The following OPHN1 variants were observed in gnomAD, a reference collection of about 807,000 sequenced individuals.
The protein encoded by OPHN1 is oligophrenin-1.
A neutral mutation model predicts 60.7 loss-of-function variants in OPHN1; 11 were observed. The observed-to-expected ratio is 0.18, with a 90% confidence interval of 0.11 to 0.30. The LOEUF is 0.30. Ranked by LOEUF, OPHN1 falls within the 10% of genes least tolerant of loss-of-function variation. The pLI is 1.00. For synonymous variants in OPHN1, 226 were observed against 222.6 expected, an observed-to-expected ratio of 1.02 and a Z score of -0.14; for missense variants, 449 against 611.0, an observed-to-expected ratio of 0.73 and a Z score of 2.80.
At chrX:68,156,937 G>A (rs1828256833) in intron 15 of OPHN1, among the ~76,000 whole-genome samples, 2 of 111,211 alleles carry the variant, frequency 1.8e-5, no homozygotes, top group Admixed American at 1.9e-4. Context: ...GATGCTTACA[G>A]TGCACATAGT....
At chrX:68,351,947 G>T (rs986654657) in intron 2 of OPHN1, among the ~76,000 whole-genome samples, 2 of 100,120 alleles carry the variant, frequency 2.0e-5, no homozygotes, top group Non-Finnish European at 4.0e-5. Context: ...CGCGATCTCG[G>T]CTCACTGCAA....
intron 3 of OPHN1, among the ~76,000 whole-genome samples, chrX:68,295,143 C>T (rs1314852938): frequency 2.7e-5 from 3 of 111,912 alleles, no homozygotes; most frequent in African/African-American, 9.7e-5. Flanking sequence ...ACAGGATAAA[C>T]GAGATCCTCA....
rs184565133 is a variant in OPHN1, at chrX:68,200,461, A to G, written c.1025+1158T>C. ...TGCTTGAGTTGGGGATATTATTTGCAAAAAAGGGAAGCCACAGCCAACAAT... is the reference window on the plus strand; with the variant it reads ...TGCTTGAGTTGGGGATATTATTTGCGAAAAAGGGAAGCCACAGCCAACAAT... On this transcript the variant is annotated intron_variant, in intron 11 of 24. Coordinates refer to ENST00000355520, the MANE Select transcript of OPHN1 (RefSeq NM_002547.3). Among the ~76,000 whole-genome samples, 411 of 111,500 alleles carry G rather than the reference A, an allele frequency of 3.7e-3. 5 individuals carry two copies. The highest frequency in any genetic ancestry group is 0.013 in the African/African-American group (395 of 30,685).
chrX:68,229,209 T>A (rs1325948091), intron 6 of OPHN1, among the ~76,000 whole-genome samples: 6 of 111,448 alleles, frequency 5.4e-5, no homozygotes, highest in Non-Finnish European at 9.4e-5. Context: ...TTACAAGGGA[T>A]GTGAAGGACC....
chrX:68,403,559 G>T (rs767870660), intron 2 of OPHN1, among the ~76,000 whole-genome samples: 114 of 111,332 alleles, frequency 1.0e-3, no homozygotes, highest in African/African-American at 2.9e-3. Context: ...AATGATAGCT[G>T]CTTTCAATTT....
intron 2 of OPHN1, among the ~76,000 whole-genome samples, chrX:68,389,048 G>A (rs964618156): frequency 1.1e-4 from 12 of 106,444 alleles, no homozygotes; most frequent in Non-Finnish European, 2.1e-4. Flanking sequence ...TTGACCTCCC[G>A]AGCTCAAGCA....
chrX:68,076,841 T>G (rs1215502056), intron 19 of OPHN1, among the ~76,000 whole-genome samples: 1 of 111,837 alleles, frequency 8.9e-6, no homozygotes, highest in Non-Finnish European at 1.9e-5. Flanking sequence ...AACTATTGAC[T>G]CACTATAACA....
chrX:68,362,212 G>T (rs1470425426), intron 2 of OPHN1, among the ~76,000 whole-genome samples: 1 of 111,917 alleles, frequency 8.9e-6, no homozygotes, highest in Non-Finnish European at 1.9e-5. Context: ...TGGAAATCCT[G>T]ACATTTGCAA....
intron 15 of OPHN1, among the ~76,000 whole-genome samples, chrX:68,126,705 A>G (rs2077173339): frequency 8.9e-6 from 1 of 112,007 alleles, no homozygotes; most frequent in Admixed American, 9.4e-5. Context: ...TTGGCCTCCC[A>G]AAGTGCTGGG....
At chrX:68,391,561 T>C (rs1441641089) in intron 2 of OPHN1, among the ~76,000 whole-genome samples, 1 of 111,222 alleles carries the variant, frequency 9.0e-6, no homozygotes, top group East Asian at 2.8e-4. Context: ...GTAGGCTGAA[T>C]AATGATCCCT....
Position 68,175,365 on chromosome X carries a change from G to A in OPHN1, c.1276+17554C>T. On this transcript the variant is annotated intron_variant, in intron 15 of 24. Coordinates refer to ENST00000355520, the MANE Select transcript of OPHN1 (RefSeq NM_002547.3). The stretch of plus-strand genomic sequence containing the variant: ...ATTGGTTATATTTATAATATGTGTG[G>A]TGGGAAAAATAAATTGTAGAGTTGC... Among the ~76,000 whole-genome samples the A allele has an allele frequency of 3.6e-5, 4 of 111,183 alleles. 1 individual carries two copies. The Middle Eastern group carries it at 0.014, about 383-fold the overall frequency.
chrX:68,263,531 A>C (rs2077905339), intron 5 of OPHN1, among the ~76,000 whole-genome samples: 1 of 112,380 alleles, frequency 8.9e-6, no homozygotes, highest in African/African-American at 3.2e-5. Context: ...TTTTTAGCAC[A>C]TATAATTGAT....
chrX:68,240,392 T>A (rs1298135477), intron 5 of OPHN1, among the ~76,000 whole-genome samples: 1 of 111,672 alleles, frequency 9.0e-6, no homozygotes, highest in African/African-American at 3.3e-5. Flanking sequence ...GACCACTTTT[T>A]CTGAGGGAGT....
chrX:68,238,455 A>G (rs2077763633), intron 5 of OPHN1, among the ~76,000 whole-genome samples: 1 of 110,022 alleles, frequency 9.1e-6, no homozygotes, highest in African/African-American at 3.3e-5. Context: ...ATTAAGCTAA[A>G]AACCCAACTA....
At chrX:68,289,216 CA>C (rs1165902667) in intron 3 of OPHN1, among the ~76,000 whole-genome samples, 1 of 111,286 alleles carries the variant, frequency 9.0e-6, no homozygotes. Flanking sequence ...AAACTTACTG[CA>C]AAATTCCTCA....
chrX:68,065,306 C>A (rs1257165422), intron 20 of OPHN1, among the ~76,000 whole-genome samples: 2 of 110,661 alleles, frequency 1.8e-5, no homozygotes, highest in East Asian at 5.7e-4. Flanking sequence ...CTTAAGGAAT[C>A]ACTGTTTTGT....
At position 68,053,792 on chromosome X, in the gene OPHN1, C is replaced by T. The variant is rs746837001; in HGVS notation, c.2177G>A (p.Ser726Asn). 1.7e-6 allele frequency: 2 copies of T among 1,207,468 alleles called. No homozygotes were observed. Among genetic ancestry groups the T allele is most frequent in the East Asian group, 3.0e-5 (1 of 33,720 alleles). Residue 726 changes from serine to asparagine, a missense_variant, in exon 22 of 25, where the codon AGC (serine) becomes AAC (asparagine). Physicochemically the swap from Ser to Asn is conservative, Grantham distance 46 (BLOSUM62 1). Transcript: ENST00000355520. ...HHKEGDADSFSKVRPPGEKPT... is the reference protein window; with the variant it reads ...HHKEGDADSFNKVRPPGEKPT... ...CTTTTCTCCTGGAGGCCGCACTTTG[C>T]TGAAACTGTCAGCATCCCCTGGAAG... is the stretch of plus-strand genomic sequence containing the variant.
chrX:68,183,663 TA>T (rs1272687948), intron 15 of OPHN1, among the ~76,000 whole-genome samples: 1 of 100,796 alleles, frequency 9.9e-6, no homozygotes, highest in Admixed American at 1.0e-4. Flanking sequence ...GTCACATCTT[TA>T]AAAAAAATAC....
chrX:68,358,875 T>C (rs1220051501), intron 2 of OPHN1, among the ~76,000 whole-genome samples: 1 of 111,769 alleles, frequency 8.9e-6, no homozygotes, highest in Non-Finnish European at 1.9e-5. Context: ...ATCACACGAC[T>C]GTTAAGCAGT....
Sources: allele counts gnomAD v4.1 joint callset (sites outside exome capture counted in the v4.1 genomes callset), GRCh38; gene constraint gnomAD v4.1.1; transcripts MANE v1.5; gene names NCBI Gene and HGNC (gene_info 2026-07-23, HGNC 2026-07-21).